Variants in CHN2 observed in about 807,000 individuals in gnomAD.
CHN2 encodes the protein beta-chimaerin.
CHN2 carries 35 observed loss-of-function variants against 56.3 expected under a neutral mutation model. That is an observed-to-expected ratio of 0.62 (90% CI 0.47 to 0.82). The LOEUF (loss-of-function observed/expected upper bound fraction) is 0.82. CHN2 is among the 40% of genes least tolerant of loss of function. CHN2 has a pLI of 0.00. For missense variants in CHN2, 491 were observed against 580.5 expected (o/e 0.85, Z 1.58); for synonymous variants, 210 against 212.8 (o/e 0.99, Z 0.12).
chr7:29,176,043 A>G (rs1365336492), intron 2 of CHN2, among the ~76,000 whole-genome samples: 3 of 152,000 alleles, frequency 2.0e-5, no homozygotes, highest in Admixed American at 6.6e-5. Context: ...AAAATTAGCC[A>G]GGCGTGGTGG....
At chr7:29,488,338 T>G (rs897427181) in intron 7 of CHN2, among the ~76,000 whole-genome samples, 8 of 152,268 alleles carry the variant, frequency 5.3e-5, no homozygotes, top group Non-Finnish European at 8.8e-5. Context: ...ATACAGTAAA[T>G]TATAGGAAAA....
At chr7:29,193,418 A>G (rs535498468), upstream of CHN2, 3 of 152,298 alleles carry the variant, frequency 2.0e-5, no homozygotes, top group South Asian at 4.1e-4. Flanking sequence ...TAAATTGACT[A>G]TGTTCTTTTA....
intron 1 of CHN2, among the ~76,000 whole-genome samples, chr7:29,268,283 AACACACACACACAC>A (rs145638795): frequency 2.2e-5 from 3 of 134,168 alleles, no homozygotes; most frequent in African/African-American, 5.6e-5. Flanking sequence ...GCTTCACCAG[AACACACACACACAC>A]ACACACACAC....
At chr7:29,339,131 T>C (rs1019425121) in intron 1 of CHN2, among the ~76,000 whole-genome samples, 1 of 152,246 alleles carries the variant, frequency 6.6e-6, no homozygotes, top group Admixed American at 6.5e-5. Context: ...GGGATAGTTT[T>C]GGACCTTTGT....
intron 1 of CHN2, among the ~76,000 whole-genome samples, chr7:29,283,922 CTTTTTTTTTTTTTTTTTT>C (rs70980520): frequency 1.4e-5 from 1 of 69,956 alleles, no homozygotes; most frequent in Non-Finnish European, 2.6e-5. Flanking sequence ...CAGCCAAGCT[CTTTTTTTTTTTTTTTTTT>C]TTTTTTTTTT....
At chr7:29,262,959 A>T (rs975639052) in intron 1 of CHN2, among the ~76,000 whole-genome samples, 1 of 152,124 alleles carries the variant, frequency 6.6e-6, no homozygotes, top group Non-Finnish European at 1.5e-5. Context: ...AGATGGTAAA[A>T]TTTATGTTAT....
At chr7:29,495,193 T>C (rs1789136752) in intron 7 of CHN2, among the ~76,000 whole-genome samples, 1 of 152,166 alleles carries the variant, frequency 6.6e-6, no homozygotes, top group South Asian at 2.1e-4. Context: ...TTTGTTTTCA[T>C]TTTAAATCAT....
intron 1 of CHN2, among the ~76,000 whole-genome samples, chr7:29,229,709 G>A (rs536000054): frequency 5.3e-5 from 8 of 152,292 alleles, no homozygotes; most frequent in South Asian, 4.1e-4. Context: ...GGGGCTGGGC[G>A]TGGTGGCTCA....
intron 6 of CHN2, among the ~76,000 whole-genome samples, chr7:29,402,083 G>A (rs568393331): frequency 5.8e-4 from 88 of 152,292 alleles, no homozygotes; most frequent in Non-Finnish European, 1.0e-3. Context: ...CGGGCCTCCC[G>A]TCGTCCAGTG....
chr7:29,484,812 A>T (rs903279321), intron 7 of CHN2, among the ~76,000 whole-genome samples: 9 of 152,180 alleles, frequency 5.9e-5, no homozygotes, highest in African/African-American at 2.4e-5. Flanking sequence ...CCTCACCCTA[A>T]AGGATGCATT....
chr7:29,259,527 T>C (rs1789375654), intron 1 of CHN2, among the ~76,000 whole-genome samples: 1 of 152,100 alleles, frequency 6.6e-6, no homozygotes, highest in East Asian at 1.9e-4. Context: ...ATATATTCAC[T>C]ATATAATATA....
At chr7:29,370,092 C>G (rs1288441750) in intron 3 of CHN2, among the ~76,000 whole-genome samples, 1 of 152,172 alleles carries the variant, frequency 6.6e-6, no homozygotes, top group Admixed American at 6.5e-5. Flanking sequence ...ACAGGTGCTG[C>G]TCAGATGAGT....
intron 7 of CHN2, among the ~76,000 whole-genome samples, chr7:29,490,759 GCTCT>G (rs887360465): frequency 9.9e-5 from 15 of 152,054 alleles, no homozygotes; most frequent in Non-Finnish European, 2.1e-4. Context: ...CTGGGCTTTG[GCTCT>G]CTATTTGAAA....
At chr7:29,507,915 G>A (rs960341020) in intron 11 of CHN2, among the ~76,000 whole-genome samples, 3 of 152,262 alleles carry the variant, frequency 2.0e-5, no homozygotes, top group Admixed American at 1.3e-4. Context: ...CATAGGCTGC[G>A]GGTTAGACAA....
intron 1 of CHN2, among the ~76,000 whole-genome samples, chr7:29,312,900 C>T (rs1794696665): frequency 1.3e-5 from 2 of 151,990 alleles, no homozygotes; most frequent in Non-Finnish European, 2.9e-5. Context: ...TTTGCCTCCC[C>T]ACACTCCAGT....
At chr7:29,512,274 T>C (rs1217171692) in intron 12 of CHN2, among the ~76,000 whole-genome samples, 1 of 150,594 alleles carries the variant, frequency 6.6e-6, no homozygotes. Context: ...CCTCAAATGA[T>C]AGTTCCACAT....
At chr7:29,296,122 C>A (rs537886243) in intron 1 of CHN2, among the ~76,000 whole-genome samples, 1 of 150,896 alleles carries the variant, frequency 6.6e-6, no homozygotes, top group African/African-American at 2.4e-5. Flanking sequence ...CTCGCTCTGT[C>A]GCCCAGGCTG....
chr7:29,285,453 A>G (rs1792072027), intron 1 of CHN2, among the ~76,000 whole-genome samples: 1 of 152,178 alleles, frequency 6.6e-6, no homozygotes, highest in Non-Finnish European at 1.5e-5. Flanking sequence ...GGAACTAAGC[A>G]CAAAATTTTT....
At chr7:29,393,603 G>A in intron 3 of CHN2, 76 bp from the exon 4 acceptor site, 1 of 673,608 alleles carries the variant, frequency 1.5e-6, no homozygotes, top group Non-Finnish European at 2.3e-6. Flanking sequence ...CCCTAGTTCT[G>A]TTTATTTGAA....
Sources: gnomAD v4.1 joint callset for allele counts (sites outside exome capture counted in the v4.1 genomes callset) on GRCh38, gnomAD v4.1.1 for gene constraint, MANE v1.5 for transcripts, NCBI Gene and HGNC (gene_info 2026-07-23, HGNC 2026-07-21) for gene names.